The following ESRRA variants were observed in gnomAD, a reference collection of about 807,000 sequenced individuals.
ESRRA encodes the protein steroid hormone receptor ERR1.
ESRRA carries 7 observed loss-of-function variants against 35.6 expected under a neutral mutation model. The observed-to-expected ratio is 0.20, with a 90% CI of 0.11 to 0.37. The LOEUF (loss-of-function observed/expected upper bound fraction) is 0.37, where lower values mean the gene tolerates loss of function less well. ESRRA is among the 10% of genes least tolerant of loss of function. The pLI, the probability that ESRRA is intolerant of heterozygous loss-of-function variation, is 1.00. For synonymous variants in ESRRA, 223 were observed against 246.9 expected (o/e 0.90, Z 0.91); for missense variants, 378 against 561.7 (o/e 0.67, Z 3.31).
At chr11:64,314,678 T>C in intron 4 of ESRRA, 63 bp from the exon 5 acceptor site, 5 of 1,516,650 alleles carry the variant, frequency 3.3e-6, no homozygotes, top group Non-Finnish European at 4.5e-6. Flanking sequence ...TGTGGGAAGA[T>C]GCTTGACCCC....
Position 64,316,617 on chromosome 11 carries a change from G to A in ESRRA, c.*651G>A. On this transcript the variant is annotated 3_prime_UTR_variant, in exon 7 of 7. Transcript: ENST00000000442. ...GGCCAGGGAGGCGCAGGGACATGGGGCAAGCCAGGGCCCAGAGCCCTTGGC... is the reference window on the plus strand; with the variant it reads ...GGCCAGGGAGGCGCAGGGACATGGGACAAGCCAGGGCCCAGAGCCCTTGGC... The A allele has an allele frequency of 4.1e-6, 2 of 485,536 alleles. No homozygotes were observed. The highest frequency in any genetic ancestry group is 2.4e-5 in the South Asian group (1 of 41,260). The allele number at this position is 485,536 out of a possible 1,614,324, so 30.1% of individuals were successfully genotyped here.
chr11:64,314,830 C>T lies in ESRRA; in HGVS notation c.661C>T (p.His221Tyr). The T allele has an allele frequency of 6.2e-7, 1 of 1,612,464 alleles. No individual in the cohort carries two copies. Among genetic ancestry groups the T allele is most frequent in the South Asian group, 1.1e-5 (1 of 91,034 alleles). ...AMPDPAGPDG[H>Y]LPAVATLCDL... ...GCCTGACCCCGCAGGCCCTGATGGG[C>T]ACCTCCCAGCCGTGGCTACCCTCTG... Residue 221 changes from histidine (H) to tyrosine (Y), a missense_variant, in exon 5 of 7, where the codon CAC (histidine) becomes TAC (tyrosine). Physicochemically the swap from His to Tyr is moderately conservative, Grantham distance 83 (BLOSUM62 2). This residue lies in a region of ESRRA where 284 missense variants were observed against 411.7 expected (regional missense o/e 0.69). Transcript: ENST00000000442.
chr11:64,315,730 G>A lies in ESRRA; in HGVS notation c.1036G>A (p.Glu346Lys), dbSNP rs377085905. 9 of 1,613,844 alleles carry A rather than the reference G, an allele frequency of 5.6e-6. No homozygotes were observed. The African/African-American group carries it at 6.7e-5, about 12-fold the overall frequency. ...NSDSVHIEDAEAVEQLREALH... is the reference protein window; with the variant it reads ...NSDSVHIEDAKAVEQLREALH... ...AGACTCTGTGCACATCGAAGATGCC[G>A]AGGCTGTGGAGCAGCTGCGAGAAGC... Residue 346 changes from glutamate to lysine, a missense_variant, in exon 7 of 7, where the codon GAG becomes AAG. Around this residue, in one of 4 missense-constraint regions of ESRRA, gnomAD observed 284 missense variants for 411.7 expected, o/e 0.69. Coordinates refer to ENST00000000442, the MANE Select transcript of ESRRA (RefSeq NM_004451.5).
Position 64,314,997 on chromosome 11 carries a change from CT to C in ESRRA, c.743-3del, listed in dbSNP as rs1298646426. The C allele has an allele frequency of 6.3e-7, 1 of 1,589,288 alleles. No homozygotes were observed. The highest frequency in any genetic ancestry group is 1.3e-5 in the African/African-American group (1 of 74,378). ...AGCCAGGCCCGCTCCCCGCTGCCCC[CT>C]AGGCTTCTCATCGCTGTCGCTGTCT... On this transcript the variant is annotated splice_region_variant and splice_polypyrimidine_tract_variant and intron_variant, in intron 5 of 6. Transcript: ENST00000000442.
At chr11:64,314,123 G>T in intron 3 of ESRRA, 56 bp downstream of exon 3, 1 of 1,551,822 alleles carries the variant, frequency 6.4e-7, no homozygotes, top group Non-Finnish European at 8.7e-7. Context: ...CCCGGGCCAG[G>T]TGGGGGTGAG....
In ESRRA at chr11:64,315,171, C is replaced by T. The variant is rs2035221390; in HGVS notation, c.913C>T (p.Leu305=). The change falls in exon 6 of 7, where the codon CTG becomes TTG. Residue 305 remains leucine (L), a synonymous_variant. Transcript: ENST00000000442. ...EGARAAGLGE[L]GAALLQLVRR... ...GGCACGGGCAGCTGGCCTGGGGGAACTGGGGGCTGCCCTGCTGCAACTAGT... is the reference window on the plus strand; with the variant it reads ...GGCACGGGCAGCTGGCCTGGGGGAATTGGGGGCTGCCCTGCTGCAACTAGT... The T allele has an allele frequency of 1.2e-6, 2 of 1,613,016 alleles. No homozygotes were observed. The highest frequency in any genetic ancestry group is 1.7e-6 in the Non-Finnish European group (2 of 1,179,910).
At chr11:64,311,048 T>G (rs151115549) in intron 2 of ESRRA, among the ~76,000 whole-genome samples, 4 of 152,182 alleles carry the variant, frequency 2.6e-5, no homozygotes, top group African/African-American at 2.4e-5. Context: ...CACTTAGGTG[T>G]CATGAACCAT....
chr11:64,307,188 C>T lies in ESRRA; in HGVS notation c.9C>T (p.Ser3=). ...TGCAGGTGACCAGCGCCATGTCCAGCCAGGTGGTGGGCATTGAGCCTCTCT... is the reference window on the plus strand; with the variant it reads ...TGCAGGTGACCAGCGCCATGTCCAGTCAGGTGGTGGGCATTGAGCCTCTCT... MS[S]QVVGIEPLYI... The change falls in exon 2 of 7, where the codon AGC becomes AGT. Residue 3 remains serine (S), a synonymous_variant. Coordinates refer to ENST00000000442, the MANE Select transcript of ESRRA (RefSeq NM_004451.5). 6.3e-7 allele frequency: 1 copy of T among 1,582,624 alleles called. No homozygotes were observed. Among genetic ancestry groups the T allele is most frequent in the Non-Finnish European group, 8.6e-7 (1 of 1,158,960 alleles).
intron 2 of ESRRA, among the ~76,000 whole-genome samples, chr11:64,311,615 C>T (rs2135255131): frequency 6.6e-6 from 1 of 151,930 alleles, no homozygotes; most frequent in South Asian, 2.1e-4. Flanking sequence ...TGGGTTTCAC[C>T]ATGTTAGCCA....
chr11:64,314,870 G>A lies in ESRRA; in HGVS notation c.701G>A (p.Arg234Gln), dbSNP rs1286421612. The change falls in exon 5 of 7, where the codon CGA (arginine) becomes CAA (glutamine). Residue 234 changes from arginine to glutamine, a missense_variant. Arg to Gln is a conservative substitution (Grantham distance 43, BLOSUM62 1). Coordinates refer to ENST00000000442, the MANE Select transcript of ESRRA (RefSeq NM_004451.5). ...AVATLCDLFDREIVVTISWAK... is the reference protein window; with the variant it reads ...AVATLCDLFDQEIVVTISWAK... Reference sequence around the variant, plus strand: ...GCTACCCTCTGTGACCTCTTTGACCGAGAGATTGTGGTCACCATCAGCTGG... The same window carrying A: ...GCTACCCTCTGTGACCTCTTTGACCAAGAGATTGTGGTCACCATCAGCTGG... 6.2e-7 allele frequency: 1 copy of A among 1,612,304 alleles called. No homozygotes were observed. The highest frequency in any genetic ancestry group is 8.5e-7 in the Non-Finnish European group (1 of 1,180,010).
chr11:64,305,858 C>A lies in ESRRA; in HGVS notation c.-13+122C>A. The A allele has an allele frequency of 6.6e-6, 1 of 152,130 alleles. No homozygotes were observed. Among genetic ancestry groups the A allele is most frequent in the South Asian group, 1.9e-4 (1 of 5,134 alleles). The allele number at this position is 152,130 out of a possible 1,614,324, so 9.4% of individuals were successfully genotyped here. On this transcript the variant is annotated intron_variant, in intron 1 of 6. Coordinates refer to ENST00000000442, the MANE Select transcript of ESRRA (RefSeq NM_004451.5). The surrounding 1 kb of genome is among the most constrained non-coding windows in gnomAD (Gnocchi z 5.8). Reference sequence around the variant, plus strand: ...GGCGGGGTCCGACTCTGGGGCCAGTCCGGGCCACGGTTGGGACCCAGTCGA... The same window carrying A: ...GGCGGGGTCCGACTCTGGGGCCAGTACGGGCCACGGTTGGGACCCAGTCGA...
In ESRRA at chr11:64,307,482, C is replaced by T; in HGVS notation, c.303C>T (p.Ala101=). The T allele has an allele frequency of 6.6e-7, 1 of 1,515,154 alleles. No individual in the cohort carries two copies. The highest frequency in any genetic ancestry group is 8.8e-7 in the Non-Finnish European group (1 of 1,130,170). 93.9% of individuals were successfully genotyped at this position (1,515,154 alleles called of 1,614,324 possible). A position where few individuals can be genotyped will look rare whatever the true frequency, so the allele number is the denominator to read the frequency against. Residue 101 remains alanine, a synonymous_variant, in exon 2 of 7, where the codon GCC becomes GCT. Transcript: ENST00000000442. ...YGVASCEACK[A]FFKRTIQGSI... Reference sequence around the variant, plus strand: ...TGGCATCCTGTGAGGCCTGCAAAGCCTTCTTCAAGAGGACCATCCAGGGTG... The same window carrying T: ...TGGCATCCTGTGAGGCCTGCAAAGCTTTCTTCAAGAGGACCATCCAGGGTG...
At chr11:64,306,104 A>C (rs973227418) in intron 1 of ESRRA, 5 of 152,366 alleles carry the variant, frequency 3.3e-5, no homozygotes, top group Non-Finnish European at 7.3e-5. Flanking sequence ...GGGGCTCTGA[A>C]GACCACGTGG....
chr11:64,316,134 T>G lies in ESRRA; in HGVS notation c.*168T>G. 6 of 759,458 alleles carry G rather than the reference T, an allele frequency of 7.9e-6. No homozygotes were observed. The highest frequency in any genetic ancestry group is 1.3e-5 in the Non-Finnish European group (6 of 478,530). The allele number at this position is 759,458 out of a possible 1,614,324, so 47.0% of individuals were successfully genotyped here. A position where few individuals can be genotyped will look rare whatever the true frequency, so the allele number is the denominator to read the frequency against. On this transcript the variant is annotated 3_prime_UTR_variant, in exon 7 of 7. Coordinates refer to ENST00000000442, the MANE Select transcript of ESRRA (RefSeq NM_004451.5). ...GCCCCACGCCCTCTCCTCCCCCTCC[T>G]AGGGGGTGTCAGAAGCTGGGAACGT...
Position 64,315,226 on chromosome 11 carries a change from G to C in ESRRA, c.968G>C (p.Arg323Pro), listed in dbSNP as rs900369463. The part of the protein sequence containing the change: ...VRRLQALRLE[R>P]EEYVLLKALA... ...CGGCTGCAGGCCCTGCGGCTGGAGC[G>C]AGAGGAGTATGTTCTACTAAAGGCC... is the stretch of plus-strand genomic sequence containing the variant. Residue 323 changes from arginine to proline, a missense_variant, in exon 6 of 7, where the codon CGA becomes CCA. Transcript: ENST00000000442. 1.2e-6 allele frequency: 2 copies of C among 1,604,268 alleles called. No individual in the cohort carries two copies. The highest frequency in any genetic ancestry group is 1.1e-5 in the South Asian group (1 of 89,516).
chr11:64,315,912 C>A lies in ESRRA; in HGVS notation c.1218C>A (p.Gly406=), dbSNP rs749091215. 1.9e-6 allele frequency: 3 copies of A among 1,602,324 alleles called. No individual in the cohort carries two copies. Among genetic ancestry groups the A allele is most frequent in the African/African-American group, 2.7e-5 (2 of 74,656 alleles). Residue 406 remains glycine (G), a synonymous_variant, in exon 7 of 7, where the codon GGC becomes GGA. Transcript: ENST00000000442. ...LAHFYGVKLE[G]KVPMHKLFLE... The stretch of plus-strand genomic sequence containing the variant: ...ATTTCTATGGGGTGAAGCTGGAGGG[C>A]AAGGTGCCCATGCACAAGCTGTTCT...
At chr11:64,307,553 A>C in intron 2 of ESRRA, 49 bp downstream of exon 2, 2 of 1,394,496 alleles carry the variant, frequency 1.4e-6, no homozygotes, top group Non-Finnish European at 1.9e-6. Context: ...CCCTCTGGGT[A>C]CACTGCTGGG....
In ESRRA at chr11:64,314,803, A is replaced by G. The variant is rs1229378462; in HGVS notation, c.634A>G (p.Met212Val). The G allele has an allele frequency of 1.9e-6, 3 of 1,612,420 alleles. No homozygotes were observed. Among genetic ancestry groups the G allele is most frequent in the African/African-American group, 1.3e-5 (1 of 75,020 alleles). The change falls in exon 5 of 7, where the codon ATG becomes GTG. Residue 212 changes from methionine (M) to valine (V), a missense_variant. By Grantham distance (21) the Met-to-Val change is conservative. Transcript: ENST00000000442. ...LVVEPEKLYA[M>V]PDPAGPDGHL... is the part of the protein sequence containing the mutation. ...GGTTGAGCCTGAGAAGCTCTATGCC[A>G]TGCCTGACCCCGCAGGCCCTGATGG...
chr11:64,311,817 C>G (rs1325682407), intron 2 of ESRRA, among the ~76,000 whole-genome samples: 1 of 151,106 alleles, frequency 6.6e-6, no homozygotes, highest in Non-Finnish European at 1.5e-5. Context: ...CTCAGCCTCC[C>G]GAGTAGCTGG....
Sources: allele counts gnomAD v4.1 joint callset (sites outside exome capture counted in the v4.1 genomes callset), GRCh38; gene constraint gnomAD v4.1.1; regional missense constraint gnomAD v4.1.1; non-coding constraint Gnocchi (gnomAD v3.1); transcripts MANE v1.5; gene names NCBI Gene and HGNC (gene_info 2026-07-23, HGNC 2026-07-21).